Variants in ULK4 observed in about 807,000 individuals in gnomAD.
The protein encoded by ULK4 is unc-51 like kinase 4.
A neutral mutation model predicts 160.6 loss-of-function variants in ULK4; 133 were observed. That is an observed-to-expected ratio of 0.83 (90% CI 0.72 to 0.96). The LOEUF is 0.96. Among genes scored for constraint, ULK4 ranks in the 40% least tolerant of loss-of-function variants. The pLI, the probability that ULK4 is intolerant of heterozygous loss-of-function variation, is 0.00. For synonymous variants in ULK4, 534 were observed against 539.8 expected (o/e 0.99, Z 0.15); for missense variants, 1,580 against 1,499.5 (o/e 1.05, Z -0.89).
chr3:41,788,187 G>C (rs17215498), intron 21 of ULK4, among the ~76,000 whole-genome samples: 18,851 of 152,156 alleles, frequency 0.12, 1,345 homozygotes, highest in Middle Eastern at 0.27. Context: ...CCTCTATTTG[G>C]ACTTCCAAAG....
intron 30 of ULK4, among the ~76,000 whole-genome samples, chr3:41,660,079 C>T (rs903976092): frequency 6.6e-6 from 1 of 152,202 alleles, no homozygotes; most frequent in African/African-American, 2.4e-5. Flanking sequence ...CACCTGAGGT[C>T]GGGAGTTCGA....
chr3:41,311,897 C>CATATATATATA (rs1302478062), intron 35 of ULK4, among the ~76,000 whole-genome samples: 2 of 139,790 alleles, frequency 1.4e-5, no homozygotes, highest in East Asian at 2.0e-4. Context: ...TATATATATC[C>CATATATATATA]TATTAGTTCT....
At chr3:41,499,504 A>C (rs1299415083) in intron 32 of ULK4, among the ~76,000 whole-genome samples, 2 of 152,210 alleles carry the variant, frequency 1.3e-5, no homozygotes, top group Non-Finnish European at 2.9e-5. Context: ...ATTTTTATTG[A>C]TCGGCACAAA....
chr3:41,506,767 A>AAAAAAAAAAAAAAAAAT lies in ULK4; in HGVS notation c.3227-43515_3227-43514insATTTTTTTTTTTTTTTT. ...AGCAATACACTGGAGTGTGATTTAA[A>AAAAAAAAAAAAAAAAAT]ATATATATATATATATATATATATA... On this transcript the variant is annotated intron_variant, in intron 32 of 36. Transcript: ENST00000301831. 2.9e-3 allele frequency among the ~76,000 whole-genome samples: 167 copies of AAAAAAAAAAAAAAAAAT among 56,786 alleles called. 17 individuals carry two copies. The highest frequency in any genetic ancestry group is 0.011 in the African/African-American group (132 of 12,242). The allele number at this position is 56,786 out of a possible 152,430, so 37.3% of individuals were successfully genotyped here. A position where few individuals can be genotyped will look rare whatever the true frequency, so the allele number is the denominator to read the frequency against.
rs1380796960 is a variant in ULK4 at position 41,306,585 on chromosome 3, G to A, written c.3679-57011C>T. ...CGGGAGGTGAGGGGCACCTCTGCCC[G>A]GCCGCCCCTACTGGGAAGTGAGGAG... On this transcript the variant is annotated intron_variant, in intron 35 of 36. Transcript: ENST00000301831. 5.5e-3 allele frequency among the ~76,000 whole-genome samples: 833 copies of A among 150,522 alleles called. 5 individuals carry two copies. Among genetic ancestry groups the A allele is most frequent in the African/African-American group, 0.019 (795 of 40,794 alleles).
intron 21 of ULK4, among the ~76,000 whole-genome samples, chr3:41,769,916 C>T (rs905999668): frequency 1.3e-5 from 2 of 152,078 alleles, no homozygotes; most frequent in African/African-American, 4.8e-5. Flanking sequence ...CTGATAACAG[C>T]CTGAAAGAAA....
intron 27 of ULK4, among the ~76,000 whole-genome samples, chr3:41,693,548 T>A (rs759182540): frequency 6.6e-6 from 1 of 151,740 alleles, no homozygotes; most frequent in African/African-American, 2.4e-5. Flanking sequence ...AAAGGCAAAA[T>A]GCAAAAGAAC....
intron 34 of ULK4, among the ~76,000 whole-genome samples, chr3:41,454,984 C>T (rs574115137): frequency 5.1e-4 from 77 of 152,216 alleles, no homozygotes; most frequent in African/African-American, 1.7e-3. Context: ...CTGTTTAATA[C>T]GTCCAAACTC....
chr3:41,366,745 T>G (rs1186614298), intron 35 of ULK4, among the ~76,000 whole-genome samples: 1 of 152,198 alleles, frequency 6.6e-6, no homozygotes, highest in Non-Finnish European at 1.5e-5. Context: ...GTGGACAATG[T>G]GGGGGAAATG....
At chr3:41,881,690 T>C (rs1161069160) in intron 17 of ULK4, among the ~76,000 whole-genome samples, 1 of 151,892 alleles carries the variant, frequency 6.6e-6, no homozygotes, top group Non-Finnish European at 1.5e-5. Context: ...GTACACGCCA[T>C]TTTTTTTAAT....
At chr3:41,572,382 C>T (rs1575432661) in intron 31 of ULK4, among the ~76,000 whole-genome samples, 1 of 152,076 alleles carries the variant, frequency 6.6e-6, no homozygotes, top group Non-Finnish European at 1.5e-5. Context: ...AATGGTGATG[C>T]TTATCCTCTC....
At chr3:41,497,931 TTAGA>T (rs879720237) in intron 32 of ULK4, among the ~76,000 whole-genome samples, 3 of 152,062 alleles carry the variant, frequency 2.0e-5, no homozygotes, top group Non-Finnish European at 1.5e-5. Flanking sequence ...ATATAACTAA[TTAGA>T]TAGAAAAACC....
intron 35 of ULK4, among the ~76,000 whole-genome samples, chr3:41,337,165 C>T (rs2080577628): frequency 6.6e-6 from 1 of 152,124 alleles, no homozygotes; most frequent in African/African-American, 2.4e-5. Flanking sequence ...TCCTATATTC[C>T]TCAAATTATG....
intron 32 of ULK4, among the ~76,000 whole-genome samples, chr3:41,471,170 A>G (rs1396281550): frequency 6.6e-6 from 1 of 152,160 alleles, no homozygotes; most frequent in Non-Finnish European, 1.5e-5. Flanking sequence ...ATTCCACGCA[A>G]AGGGAAACCA....
intron 22 of ULK4, among the ~76,000 whole-genome samples, chr3:41,737,166 T>C (rs2038083032): frequency 6.6e-6 from 1 of 151,876 alleles, no homozygotes; most frequent in South Asian, 2.1e-4. Context: ...TTCAGCAAAG[T>C]CTCAGGATAC....
intron 34 of ULK4, among the ~76,000 whole-genome samples, chr3:41,429,106 T>C (rs1157410823): frequency 1.3e-5 from 2 of 151,598 alleles, no homozygotes; most frequent in Non-Finnish European, 2.9e-5. Flanking sequence ...AACAGACACT[T>C]CTCAAAAGAC....
chr3:41,644,821 C>T (rs991308135), intron 30 of ULK4, among the ~76,000 whole-genome samples: 5 of 152,010 alleles, frequency 3.3e-5, no homozygotes, highest in Admixed American at 2.6e-4. Flanking sequence ...TCCATCTGGT[C>T]CTGGACTCTT....
chr3:41,461,239 C>T (rs2083676854), intron 33 of ULK4, among the ~76,000 whole-genome samples: 1 of 152,170 alleles, frequency 6.6e-6, no homozygotes, highest in African/African-American at 2.4e-5. Flanking sequence ...ACTGGCCTCT[C>T]TCAATTCTTC....
chr3:41,534,299 T>C (rs1318330535), intron 32 of ULK4, among the ~76,000 whole-genome samples: 1 of 152,234 alleles, frequency 6.6e-6, no homozygotes, highest in Non-Finnish European at 1.5e-5. Context: ...CACAGTTTTT[T>C]ACTGTTGCAG....
Sources: allele counts gnomAD v4.1 joint callset (sites outside exome capture counted in the v4.1 genomes callset), GRCh38; gene constraint gnomAD v4.1.1; transcripts MANE v1.5; gene names NCBI Gene and HGNC (gene_info 2026-07-23, HGNC 2026-07-21).